Variants in APP observed in about 807,000 individuals in gnomAD.
APP encodes amyloid beta precursor protein, also known as amyloid-beta precursor protein.
Under a neutral mutation model 101.4 loss-of-function variants are expected in APP, and 31 were observed. The observed-to-expected ratio is 0.31, with a 90% confidence interval of 0.23 to 0.41. APP has a LOEUF of 0.41. APP is among the 10% of genes least tolerant of loss of function. The pLI is 1.00. For synonymous variants in APP, 366 were observed against 364.4 expected, an observed-to-expected ratio of 1.00 and a Z score of -0.05; for missense variants, 839 against 1,003.7, an observed-to-expected ratio of 0.84 and a Z score of 2.22.
At chr21:25,883,710 A>G (rs2037142417) in intron 17 of APP, among the ~76,000 whole-genome samples, 1 of 152,180 alleles carries the variant, frequency 6.6e-6, no homozygotes, top group South Asian at 2.1e-4. Context: ...GTAAATAAAT[A>G]AAAATAAATC....
intron 1 of APP, among the ~76,000 whole-genome samples, chr21:26,137,525 G>A (rs1005026011): frequency 2.0e-5 from 3 of 152,210 alleles, no homozygotes; most frequent in South Asian, 4.1e-4. Context: ...GTGGATCAAC[G>A]AGACGGAGGT....
intron 1 of APP, among the ~76,000 whole-genome samples, chr21:26,137,814 T>TA (rs1246821400): frequency 2.0e-5 from 3 of 151,720 alleles, no homozygotes; most frequent in African/African-American, 4.8e-5. Context: ...CCTAGAGATT[T>TA]AAAAAAAAAT....
At chr21:25,927,623 AAC>A (rs1165033402) in intron 13 of APP, among the ~76,000 whole-genome samples, 1 of 152,208 alleles carries the variant, frequency 6.6e-6, no homozygotes, top group African/African-American at 2.4e-5. Flanking sequence ...GTTTAAAAAT[AAC>A]AGTTTCCTGG....
At chr21:26,101,999 T>C (rs1406770859) in intron 2 of APP, among the ~76,000 whole-genome samples, 2 of 151,770 alleles carry the variant, frequency 1.3e-5, no homozygotes, top group African/African-American at 4.8e-5. Context: ...TGGGAAGAAA[T>C]AGATTCTTGA....
intron 1 of APP, among the ~76,000 whole-genome samples, chr21:26,141,733 T>A (rs2063050114): frequency 1.3e-5 from 2 of 152,250 alleles, no homozygotes; most frequent in African/African-American, 4.8e-5. Context: ...ACAACAACCC[T>A]AAGTTTGGTA....
chr21:25,950,320 T>G lies in APP; in HGVS notation c.1687+4270A>C, dbSNP rs4817075. Among the ~76,000 whole-genome samples the G allele has an allele frequency of 1.7e-3, 266 of 152,308 alleles. 2 individuals are homozygous for G. Among genetic ancestry groups the G allele is most frequent in the Admixed American group, 0.015 (231 of 15,300 alleles). ...GGTTTATAGGACTTGGGCATTTTAC[T>G]TGAATCTTGAAAGGTGCAACTTTTC... On this transcript the variant is annotated intron_variant, in intron 13 of 17. Transcript: ENST00000346798.
intron 1 of APP, among the ~76,000 whole-genome samples, chr21:26,121,258 A>G (rs2062562744): frequency 1.3e-5 from 2 of 152,320 alleles, no homozygotes; most frequent in Non-Finnish European, 2.9e-5. Context: ...CCTGAAATAG[A>G]GTATCCCCAC....
intron 8 of APP, among the ~76,000 whole-genome samples, chr21:25,989,058 C>T (rs903282532): frequency 2.0e-5 from 3 of 152,284 alleles, no homozygotes; most frequent in East Asian, 1.9e-4. Context: ...CTGCACCCAA[C>T]GTTCCTATCA....
chr21:25,900,322 C>T (rs139038765), intron 15 of APP, among the ~76,000 whole-genome samples: 3,571 of 129,408 alleles, frequency 0.028, 67 homozygotes, highest in South Asian at 0.056. Context: ...CACTTGAGGT[C>T]AGGAGTTTGA....
At chr21:26,087,157 T>C (rs2061721552) in intron 3 of APP, among the ~76,000 whole-genome samples, 1 of 152,220 alleles carries the variant, frequency 6.6e-6, no homozygotes, top group Non-Finnish European at 1.5e-5. Flanking sequence ...CTCTGTATTA[T>C]ACTCTGGGCT....
chr21:26,090,106 T>C lies in APP; in HGVS notation c.226-34A>G, dbSNP rs756747509. 3.7e-6 allele frequency: 6 copies of C among 1,613,104 alleles called. No homozygotes were observed. In the Admixed American group the frequency reaches 1.0e-4, roughly 27 times the overall value. On this transcript the variant is annotated intron_variant, in intron 2 of 17. Coordinates refer to ENST00000346798, the MANE Select transcript of APP (RefSeq NM_000484.4). ...GCACACAAAAAGAATCAATTGTTAC[T>C]TGAGGCAGGGGCTGGCATTTACAAG...
At chr21:26,002,397 A>AT in intron 6 of APP, among the ~76,000 whole-genome samples, 1 of 274 alleles carries the variant, frequency 3.6e-3, no homozygotes, top group African/African-American at 0.012. Context: ...GATCCCATCA[A>AT]CTATAGCCAG....
chr21:25,945,178 C>A (rs571261995), intron 13 of APP, among the ~76,000 whole-genome samples: 1 of 152,252 alleles, frequency 6.6e-6, no homozygotes, highest in South Asian at 2.1e-4. Context: ...TGGAATCTCA[C>A]CAAAATTTGG....
intron 15 of APP, among the ~76,000 whole-genome samples, chr21:25,902,230 C>A (rs1385107170): frequency 6.6e-6 from 1 of 152,156 alleles, no homozygotes; most frequent in Non-Finnish European, 1.5e-5. Flanking sequence ...TATTCAAAAA[C>A]AATGCCATCA....
chr21:25,944,421 G>T (rs2040716412), intron 13 of APP, among the ~76,000 whole-genome samples: 1 of 152,168 alleles, frequency 6.6e-6, no homozygotes, highest in African/African-American at 2.4e-5. Context: ...AACCTTCTAT[G>T]ATTTACTTTC....
At chr21:25,926,457 A>G (rs383700) in intron 13 of APP, among the ~76,000 whole-genome samples, 137,566 of 152,208 alleles carry the variant, frequency 0.9, 62,235 homozygotes, top group Non-Finnish European at 0.92. Context: ...TGATGGGACT[A>G]TGCCAGTTAT....
intron 3 of APP, among the ~76,000 whole-genome samples, chr21:26,055,292 G>T (rs537171445): frequency 6.6e-6 from 1 of 152,176 alleles, no homozygotes; most frequent in African/African-American, 2.4e-5. Context: ...GAAACCTAAG[G>T]CTACCTAACT....
At chr21:25,897,421 T>A in intron 16 of APP, 152 bp downstream of exon 16, 1 of 740,038 alleles carries the variant, frequency 1.4e-6, no homozygotes, top group Admixed American at 2.1e-5. Flanking sequence ...GCCTAGCCTA[T>A]TTATTTTCTT....
chr21:26,098,079 C>CTG (rs2061985623), intron 2 of APP, among the ~76,000 whole-genome samples: 1 of 58,454 alleles, frequency 1.7e-5, no homozygotes, highest in African/African-American at 7.0e-5. Flanking sequence ...GACTCTGTCT[C>CTG]AGAAAAAAAA....
Sources: gnomAD v4.1 joint callset for allele counts (sites outside exome capture counted in the v4.1 genomes callset) on GRCh38, gnomAD v4.1.1 for gene constraint, MANE v1.5 for transcripts, NCBI Gene and HGNC (gene_info 2026-07-23, HGNC 2026-07-21) for gene names.